Variants in UNC80 observed in about 807,000 individuals in gnomAD.
The protein encoded by UNC80 is unc-80 subunit of NALCN channel complex.
Under a neutral mutation model 384.6 loss-of-function variants are expected in UNC80, and 164 were observed. That is an observed-to-expected ratio of 0.43 (90% CI 0.38 to 0.49). The LOEUF (loss-of-function observed/expected upper bound fraction) is 0.49, where lower values mean the gene tolerates loss of function less well. Ranked by LOEUF, UNC80 falls within the 20% of genes least tolerant of loss-of-function variation. The probability of loss-of-function intolerance (pLI) is 0.00; values close to 1 mark genes in which losing one functional copy is unlikely to be tolerated. For synonymous variants in UNC80, 1,486 were observed against 1,527.8 expected (o/e 0.97, Z 0.64); for missense variants, 3,330 against 4,143.0 (o/e 0.80, Z 5.39).
intron 56 of UNC80, among the ~76,000 whole-genome samples, chr2:209,975,363 C>T (rs2092987284): frequency 6.6e-6 from 1 of 152,126 alleles, no homozygotes; most frequent in African/African-American, 2.4e-5. Flanking sequence ...CTGGTTTGTC[C>T]TGACACACGG....
intron 52 of UNC80, 60 bp from the exon 53 acceptor site, chr2:209,969,708 C>A: frequency 6.5e-7 from 1 of 1,541,934 alleles, no homozygotes; most frequent in Non-Finnish European, 8.8e-7. Flanking sequence ...GTCTCATTCA[C>A]TTGTTTCAGA....
chr2:209,844,101 C>T (rs564385517), intron 21 of UNC80, among the ~76,000 whole-genome samples: 1 of 152,150 alleles, frequency 6.6e-6, no homozygotes, highest in Non-Finnish European at 1.5e-5. Flanking sequence ...AATCCTTTTA[C>T]ACTCTTTCCA....
intron 16 of UNC80, among the ~76,000 whole-genome samples, chr2:209,831,888 A>G (rs1275253213): frequency 6.6e-6 from 1 of 152,222 alleles, no homozygotes; most frequent in Non-Finnish European, 1.5e-5. Context: ...GAAAGTTTCT[A>G]GAGCACAGCT....
At chr2:209,865,814 T>C (rs2083704884) in intron 22 of UNC80, among the ~76,000 whole-genome samples, 1 of 152,236 alleles carries the variant, frequency 6.6e-6, no homozygotes, top group South Asian at 2.1e-4. Flanking sequence ...TTAGTGACAA[T>C]CAATTGGCAG....
intron 25 of UNC80, among the ~76,000 whole-genome samples, chr2:209,886,513 T>A (rs142703573): frequency 2.0e-5 from 3 of 152,174 alleles, no homozygotes. Flanking sequence ...AATTCTCAAT[T>A]TGGGGCCTCA....
chr2:209,793,919 A>AT, intron 7 of UNC80, 60 bp downstream of exon 7: 1 of 1,592,262 alleles, frequency 6.3e-7, no homozygotes, highest in African/African-American at 1.3e-5. Flanking sequence ...TCAAATATGC[A>AT]TTTTTAACTA....
chr2:209,860,384 T>G (rs1170852510), intron 22 of UNC80, among the ~76,000 whole-genome samples: 1 of 152,206 alleles, frequency 6.6e-6, no homozygotes. Flanking sequence ...GCTCCATTGG[T>G]CTATAAGTCT....
chr2:209,939,201 A>C (rs1192814486), intron 42 of UNC80, among the ~76,000 whole-genome samples: 2 of 152,112 alleles, frequency 1.3e-5, no homozygotes, highest in African/African-American at 4.8e-5. Context: ...AATCTTGACA[A>C]TGCTTGCCTT....
chr2:209,912,473 G>A, intron 29 of UNC80, 87 bp from the exon 30 acceptor site: 1 of 748,928 alleles, frequency 1.3e-6, no homozygotes, highest in South Asian at 3.3e-5. Context: ...CTAGAAGATG[G>A]TTGCCTGGAG....
chr2:209,905,175 CTTA>C (rs2088035068), intron 29 of UNC80, among the ~76,000 whole-genome samples: 1 of 152,058 alleles, frequency 6.6e-6, no homozygotes, highest in East Asian at 1.9e-4. Flanking sequence ...CAGGTTTTGT[CTTA>C]TTCTGTAAAT....
intron 16 of UNC80, among the ~76,000 whole-genome samples, chr2:209,832,366 A>G (rs1410241082): frequency 6.6e-6 from 1 of 152,148 alleles, no homozygotes; most frequent in Non-Finnish European, 1.5e-5. Flanking sequence ...TTTGGATACG[A>G]AAATGTAGAT....
In UNC80 at chr2:209,972,212, A is replaced by G; in HGVS notation, c.8268A>G (p.Glu2756=). 6.4e-7 allele frequency: 1 copy of G among 1,551,108 alleles called. No individual in the cohort carries two copies. The highest frequency in any genetic ancestry group is 8.7e-7 in the Non-Finnish European group (1 of 1,146,652). ...LVALQIQALK[E]DFPLSHVISP... ...TTATTGCTGCACAGGCTTTAAAAGAAGATTTTCCTTTAAGCCATGTGATCT... is the reference window on the plus strand; with the variant it reads ...TTATTGCTGCACAGGCTTTAAAAGAGGATTTTCCTTTAAGCCATGTGATCT... The change falls in exon 55 of 65, where the codon GAA becomes GAG. Residue 2756 remains glutamate, a synonymous_variant. Transcript: ENST00000673920.
intron 20 of UNC80, 89 bp from the exon 21 acceptor site, chr2:209,842,260 CA>C: frequency 1.1e-6 from 1 of 933,616 alleles, no homozygotes; most frequent in South Asian, 1.7e-5. Flanking sequence ...AATGAGTAAA[CA>C]ACTCATTTTC....
At chr2:209,884,971 T>C (rs1237032835) in intron 25 of UNC80, among the ~76,000 whole-genome samples, 1 of 151,680 alleles carries the variant, frequency 6.6e-6, no homozygotes, top group Non-Finnish European at 1.5e-5. Flanking sequence ...CAGTGAGGGG[T>C]TGACAGGTGC....
chr2:209,972,063 C>T, intron 54 of UNC80, 138 bp from the exon 55 acceptor site: 2 of 1,016,754 alleles, frequency 2.0e-6, no homozygotes. Flanking sequence ...AGCTTGTATG[C>T]TGTACAGACA....
chr2:209,871,664 T>C (rs12328884), intron 22 of UNC80, among the ~76,000 whole-genome samples: 26,854 of 152,104 alleles, frequency 0.18, 3,320 homozygotes, highest in African/African-American at 0.35. Flanking sequence ...ATAGTTGATA[T>C]ATATTTTCTT....
In UNC80 at chr2:209,820,561, G is replaced by A. The variant is rs867486666; in HGVS notation, c.2213G>A (p.Gly738Glu). 7 of 1,551,606 alleles carry A rather than the reference G, an allele frequency of 4.5e-6. No homozygotes were observed. In the African/African-American group the frequency reaches 5.5e-5, roughly 12 times the overall value. The change falls in exon 13 of 65, where the codon GGA becomes GAA. Residue 738 changes from glycine (G) to glutamate (E), a missense_variant. Physicochemically the swap from Gly to Glu is moderately conservative, Grantham distance 98. Coordinates refer to ENST00000673920, the MANE Select transcript of UNC80 (RefSeq NM_001371986.1). Reference protein sequence around the residue: ...GFGGPAVSGAGDGGGEEGGGG... With the variant: ...GFGGPAVSGAEDGGGEEGGGG... Reference sequence around the variant, plus strand: ...GGAGGCCCTGCTGTTAGTGGAGCTGGAGATGGTGGAGGAGAAGAAGGAGGA... The same window carrying A: ...GGAGGCCCTGCTGTTAGTGGAGCTGAAGATGGTGGAGGAGAAGAAGGAGGA...
chr2:209,941,007 A>G (rs534354522), intron 43 of UNC80, among the ~76,000 whole-genome samples: 2 of 152,246 alleles, frequency 1.3e-5, no homozygotes, highest in South Asian at 2.1e-4. Flanking sequence ...CCTTACCCAC[A>G]GTTAGTTAAA....
chr2:209,824,349 G>A (rs113149448), intron 13 of UNC80, among the ~76,000 whole-genome samples: 9 of 152,246 alleles, frequency 5.9e-5, no homozygotes, highest in African/African-American at 2.2e-4. Context: ...ACCTCTGTTA[G>A]GTATGAAGAA....
Sources: allele counts gnomAD v4.1 joint callset (sites outside exome capture counted in the v4.1 genomes callset), GRCh38; gene constraint gnomAD v4.1.1; transcripts MANE v1.5; gene names NCBI Gene and HGNC (gene_info 2026-07-23, HGNC 2026-07-21).